Variants in LCMT1 observed in about 807,000 individuals in gnomAD.
LCMT1 encodes the protein [Phosphatase 2A protein]-leucine-carboxy methyltransferase 1.
In LCMT1, 32 loss-of-function variants were observed where a neutral mutation model predicts 47.7. The ratio of observed to expected loss-of-function variants is 0.67; its 90% CI spans 0.51 to 0.90. LCMT1 has a LOEUF of 0.90. Ranked by LOEUF, LCMT1 falls within the 40% of genes least tolerant of loss-of-function variation. The pLI is 0.00. For missense variants in LCMT1, 375 were observed against 415.2 expected, an observed-to-expected ratio of 0.90 and a Z score of 0.84; for synonymous variants, 152 against 149.7, an observed-to-expected ratio of 1.02 and a Z score of -0.11.
chr16:25,176,915 C>T (rs1961962823), intron 10 of LCMT1, among the ~76,000 whole-genome samples: 1 of 151,576 alleles, frequency 6.6e-6, no homozygotes, highest in Non-Finnish European at 1.5e-5. Context: ...CGCAGTGGCT[C>T]ATGCCTGTAA....
chr16:25,159,169 A>C (rs539579622), intron 5 of LCMT1, among the ~76,000 whole-genome samples: 1 of 152,096 alleles, frequency 6.6e-6, no homozygotes, highest in African/African-American at 2.4e-5. Flanking sequence ...GGATGGAAAA[A>C]CTCATTCCAA....
intron 1 of LCMT1, among the ~76,000 whole-genome samples, chr16:25,117,200 T>G (rs770197079): frequency 1.3e-5 from 2 of 152,172 alleles, no homozygotes; most frequent in Admixed American, 6.5e-5. Flanking sequence ...TTCCTCTCTT[T>G]TCCACAACCA....
At chr16:25,159,476 A>G (rs1303926622) in intron 5 of LCMT1, among the ~76,000 whole-genome samples, 6 of 152,186 alleles carry the variant, frequency 3.9e-5, no homozygotes, top group East Asian at 1.9e-4. Flanking sequence ...TGTGTTGCCC[A>G]GGGTGGTCTT....
At chr16:25,158,818 T>G (rs1567324418) in intron 5 of LCMT1, 1 of 152,232 alleles carries the variant, frequency 6.6e-6, no homozygotes, top group Non-Finnish European at 1.5e-5. Flanking sequence ...GAAGAGCAAC[T>G]GAATCATGGG....
chr16:25,169,974 C>T (rs1424848036), intron 8 of LCMT1, among the ~76,000 whole-genome samples: 10 of 152,120 alleles, frequency 6.6e-5, no homozygotes, highest in Non-Finnish European at 5.9e-5. Flanking sequence ...AATCCCAGCA[C>T]TTTGGGATGC....
rs117850993 is a variant in LCMT1, at chr16:25,117,830, C to T, written c.113+5834C>T. 5.3e-4 allele frequency among the ~76,000 whole-genome samples: 78 copies of T among 147,968 alleles called. 1 individual carries two copies. In the East Asian group the frequency reaches 0.01, roughly 20 times the overall value. On this transcript the variant is annotated intron_variant, in intron 1 of 10. Transcript: ENST00000399069. ...TCGTGCTACTGCATTCCGGCCTGGG[C>T]GACAGAGAGAGACTCCGTCTCAAAA... is the stretch of plus-strand genomic sequence containing the variant.
At chr16:25,153,758 G>C (rs1961150484) in intron 5 of LCMT1, among the ~76,000 whole-genome samples, 1 of 151,928 alleles carries the variant, frequency 6.6e-6, no homozygotes, top group African/African-American at 2.4e-5. Context: ...TTCGAGACCA[G>C]CCTGGCCAAC....
rs1567331403 is a variant in LCMT1, at chr16:25,175,048, CT to C, written c.982+18del. On this transcript the variant is annotated intron_variant, in intron 10 of 10. Transcript: ENST00000399069. ...GAAATGAGCTTGGTGCGTGATTGTA[CT>C]TTTCTTGCCTTGACCTGGAAATAGT... 6.9e-7 allele frequency: 1 copy of C among 1,459,092 alleles called. No individual in the cohort carries two copies. Among genetic ancestry groups the C allele is most frequent in the Non-Finnish European group, 9.5e-7 (1 of 1,047,846 alleles). The allele number at this position is 1,459,092 out of a possible 1,614,324, so 90.4% of individuals were successfully genotyped here.
intron 4 of LCMT1, among the ~76,000 whole-genome samples, chr16:25,149,264 C>T (rs1960993543): frequency 6.6e-6 from 1 of 152,104 alleles, no homozygotes; most frequent in Non-Finnish European, 1.5e-5. Context: ...TAAAGCTCAT[C>T]AGCTATTGTT....
Position 25,152,676 on chromosome 16 carries a change from A to G in LCMT1, c.466+1061A>G, listed in dbSNP as rs369195306. Among the ~76,000 whole-genome samples the G allele has an allele frequency of 7.2e-5, 11 of 152,324 alleles. No homozygotes were observed. The East Asian group carries it at 1.5e-3, about 21-fold the overall frequency. On this transcript the variant is annotated intron_variant, in intron 5 of 10. Coordinates refer to ENST00000399069, the MANE Select transcript of LCMT1 (RefSeq NM_016309.3). ...GCCATGTAATATTACCACGATTTCT[A>G]CATGGGAACAATTAAATAGTGGCTG...
rs143305731 is a variant in LCMT1, at chr16:25,165,663, G to A, written c.690+945G>A. Among the ~76,000 whole-genome samples, 173 of 151,842 alleles carry A rather than the reference G, an allele frequency of 1.1e-3. 1 individual carries two copies. Among genetic ancestry groups the A allele is most frequent in the African/African-American group, 3.7e-3 (154 of 41,412 alleles). On this transcript the variant is annotated intron_variant, in intron 7 of 10. Transcript: ENST00000399069. ...CTTCCAAGTAGCTGGGATCACAGGC[G>A]TGCACCATCACACCCAGCTAATTTT...
At chr16:25,160,881 A>G (rs1005298569) in intron 5 of LCMT1, 4 of 636,794 alleles carry the variant, frequency 6.3e-6, no homozygotes, top group African/African-American at 1.8e-5. Flanking sequence ...GTTGTGTATA[A>G]TAACTTAAGC....
At chr16:25,158,378 G>A (rs932101636) in intron 5 of LCMT1, among the ~76,000 whole-genome samples, 2 of 152,192 alleles carry the variant, frequency 1.3e-5, no homozygotes, top group East Asian at 3.8e-4. Flanking sequence ...TCAGCAATTC[G>A]CCTGTCTTGG....
At chr16:25,131,299 A>G (rs991223939) in intron 2 of LCMT1, among the ~76,000 whole-genome samples, 8 of 152,240 alleles carry the variant, frequency 5.3e-5, no homozygotes, top group Non-Finnish European at 8.8e-5. Flanking sequence ...CTGCACAGGC[A>G]AAGACCCCCA....
At chr16:25,122,973 T>C (rs1450937666) in intron 1 of LCMT1, among the ~76,000 whole-genome samples, 1 of 152,276 alleles carries the variant, frequency 6.6e-6, no homozygotes, top group Non-Finnish European at 1.5e-5. Flanking sequence ...ATCTTTGTGA[T>C]GCAGAATCTG....
Position 25,169,377 on chromosome 16 carries a change from A to AC in LCMT1, c.792+166dup. ...GCCGCTAGTTCATGATGCTGGGAAG[A>AC]CCAAGTCCTGCTTCACCATCACATT... On this transcript the variant is annotated intron_variant, in intron 8 of 10. Transcript: ENST00000399069. 5.4e-6 allele frequency: 3 copies of AC among 556,024 alleles called. No homozygotes were observed. The East Asian group carries it at 8.6e-5, about 16-fold the overall frequency. The allele number at this position is 556,024 out of a possible 1,614,324, so 34.4% of individuals were successfully genotyped here.
In LCMT1 at chr16:25,164,607, A is replaced by G; in HGVS notation, c.579A>G (p.Thr193=). Residue 193 remains threonine, a synonymous_variant, in exon 7 of 11, where the codon ACA becomes ACG. Transcript: ENST00000399069. ...KKCNMNTQLP[T]LLIAECVLVY... ...TTTCCTTATCTTTAAGATTGCCAAC[A>G]CTCCTGATAGCTGAATGTGTGCTGG... 2 of 1,613,580 alleles carry G rather than the reference A, an allele frequency of 1.2e-6. No homozygotes were observed. The highest frequency in any genetic ancestry group is 1.1e-5 in the South Asian group (1 of 91,072).
intron 7 of LCMT1, among the ~76,000 whole-genome samples, chr16:25,168,353 T>G (rs1336571305): frequency 6.6e-6 from 1 of 152,150 alleles, no homozygotes; most frequent in Non-Finnish European, 1.5e-5. Context: ...TGGCCTAAAG[T>G]GAGTTTTTGA....
chr16:25,146,115 G>A (rs1318816473), intron 4 of LCMT1: 2 of 152,296 alleles, frequency 1.3e-5, no homozygotes, highest in East Asian at 3.9e-4. Context: ...CAAGCAAGAG[G>A]GAAAGTAAAT....
Sources: allele counts gnomAD v4.1 joint callset (sites outside exome capture counted in the v4.1 genomes callset), GRCh38; gene constraint gnomAD v4.1.1; transcripts MANE v1.5; gene names NCBI Gene and HGNC (gene_info 2026-07-23, HGNC 2026-07-21).